SUB1: variants seen among roughly 807,000 people sequenced by gnomAD.
The protein encoded by SUB1 is activated RNA polymerase II transcriptional coactivator p15.
A neutral mutation model predicts 16.9 loss-of-function variants in SUB1; 1 was observed. That is an observed-to-expected ratio of 0.06 (90% CI 0.02 to 0.28). The LOEUF is 0.28. Ranked by LOEUF, SUB1 falls within the 10% of genes least tolerant of loss-of-function variation. SUB1 has a pLI of 1.00. For missense variants in SUB1, 84 were observed against 145.2 expected (o/e 0.58, Z 2.16); for synonymous variants, 51 against 46.9 (o/e 1.09, Z -0.36).
chr5:32,600,911 G>A lies in SUB1; in HGVS notation c.305-94G>A, dbSNP rs1739099709. On this transcript the variant is annotated intron_variant, in intron 4 of 4. Coordinates refer to ENST00000265073, the MANE Select transcript of SUB1 (RefSeq NM_006713.4). ...TGAGCCACCGCGCCCAGCCTAAAGT[G>A]GCAATTTTGATAAAACAGTATTCTA... 5 of 1,217,470 alleles carry A rather than the reference G, an allele frequency of 4.1e-6. 1 individual carries two copies. In the South Asian group the frequency reaches 6.2e-5, roughly 15 times the overall value. 75.4% of individuals were successfully genotyped at this position (1,217,470 alleles called of 1,614,324 possible).
intron 3 of SUB1, among the ~76,000 whole-genome samples, chr5:32,593,361 C>T (rs1048994573): frequency 2.0e-5 from 3 of 151,994 alleles, no homozygotes; most frequent in African/African-American, 4.8e-5. Context: ...ATATTTTGAC[C>T]TGTTGATAAC....
At chr5:32,587,405 A>AAAC in intron 1 of SUB1, among the ~76,000 whole-genome samples, 1 of 152,292 alleles carries the variant, frequency 6.6e-6, no homozygotes, top group Non-Finnish European at 1.5e-5. Context: ...GGCACTCAGT[A>AAAC]AACACCCACT....
intron 3 of SUB1, chr5:32,598,727 G>GT (rs1182680530): frequency 3.1e-5 from 11 of 360,420 alleles, no homozygotes; most frequent in Non-Finnish European, 4.5e-5. Context: ...CAGTTGTTCT[G>GT]TGAGTTTTTT....
chr5:32,598,022 A>G (rs527877779), intron 3 of SUB1: 3 of 152,130 alleles, frequency 2.0e-5, no homozygotes, highest in Non-Finnish European at 4.4e-5. Flanking sequence ...ACAGCTGCAG[A>G]TTTCAGTCCG....
At chr5:32,598,924 A>G in intron 3 of SUB1, 37 bp from the exon 4 acceptor site, 1 of 1,511,816 alleles carries the variant, frequency 6.6e-7, no homozygotes, top group Non-Finnish European at 9.2e-7. Flanking sequence ...ACCACTCTTG[A>G]AAGGAGCACC....
intron 4 of SUB1, among the ~76,000 whole-genome samples, chr5:32,600,599 A>G (rs2111688265): frequency 6.7e-6 from 1 of 148,260 alleles, no homozygotes; most frequent in South Asian, 2.1e-4. Context: ...ATTGTGTCCA[A>G]GTGGCAATTT....
chr5:32,603,284 A>T lies in SUB1; in HGVS notation c.*2200A>T, dbSNP rs533519205. On this transcript the variant is annotated 3_prime_UTR_variant, in exon 5 of 5. Coordinates refer to ENST00000265073, the MANE Select transcript of SUB1 (RefSeq NM_006713.4). ...AACTTGTTCTGAAAAGAAAGTATAG[A>T]TTAATTTTGTTTTCTGTTTAAATTT... 96 of 152,286 alleles carry T rather than the reference A, an allele frequency of 6.3e-4. No individual in the cohort carries two copies. The highest frequency in any genetic ancestry group is 2.2e-3 in the African/African-American group (92 of 41,578). The allele number at this position is 152,286 out of a possible 1,614,324, so 9.4% of individuals were successfully genotyped here.
At chr5:32,593,896 G>T (rs982872630) in intron 3 of SUB1, among the ~76,000 whole-genome samples, 1 of 152,142 alleles carries the variant, frequency 6.6e-6, no homozygotes, top group Non-Finnish European at 1.5e-5. Flanking sequence ...ATTTCACCTG[G>T]TTGGCCAGGA....
chr5:32,591,638 T>C lies in SUB1; in HGVS notation c.148T>C (p.Ser50Pro). 6.2e-7 allele frequency: 1 copy of C among 1,609,532 alleles called. No individual in the cohort carries two copies. Among genetic ancestry groups the C allele is most frequent in the Non-Finnish European group, 8.5e-7 (1 of 1,178,454 alleles). ...GACAGGTGAGACTTCGAGAGCCCTG[T>C]CATCTTCTAAACAGAGCAGCAGCAG... ...QKTGETSRAL[S>P]SSKQSSSSRD... Residue 50 changes from serine (S) to proline (P), a missense_variant, in exon 3 of 5, where the codon TCA becomes CCA. Physicochemically the swap from Ser to Pro is moderately conservative, Grantham distance 74 (BLOSUM62 -1). Transcript: ENST00000265073.
Position 32,600,220 on chromosome 5 carries a change from G to C in SUB1, c.305-785G>C, listed in dbSNP as rs147096131. On this transcript the variant is annotated intron_variant, in intron 4 of 4. Coordinates refer to ENST00000265073, the MANE Select transcript of SUB1 (RefSeq NM_006713.4). ...GTGACCCTAGAGTGCAGTTACCCGGGTATACTCTCTGAGGAGTCCTGTATG... is the reference window on the plus strand; with the variant it reads ...GTGACCCTAGAGTGCAGTTACCCGGCTATACTCTCTGAGGAGTCCTGTATG... 7.9e-5 allele frequency among the ~76,000 whole-genome samples: 12 copies of C among 152,316 alleles called. No homozygotes were observed. The East Asian group carries it at 2.3e-3, about 29-fold the overall frequency.
intron 4 of SUB1, among the ~76,000 whole-genome samples, chr5:32,599,890 TTC>T (rs1186734954): frequency 1.3e-5 from 2 of 152,254 alleles, no homozygotes; most frequent in Admixed American, 1.3e-4. Context: ...TCTTGTTTAC[TTC>T]TCTGTTTATA....
At position 32,591,464 on chromosome 5, in the gene SUB1, G is replaced by A. The variant is rs1738823241; in HGVS notation, c.73-99G>A. 2.8e-6 allele frequency: 4 copies of A among 1,417,102 alleles called. No homozygotes were observed. The South Asian group carries it at 4.7e-5, about 17-fold the overall frequency. 87.8% of individuals were successfully genotyped at this position (1,417,102 alleles called of 1,614,324 possible). On this transcript the variant is annotated intron_variant, in intron 2 of 4. Transcript: ENST00000265073. ...ATATATTTATGATATTTTGGATGTAGTCTTTTGATTGTTTAAATCTTAAAA... is the reference window on the plus strand; with the variant it reads ...ATATATTTATGATATTTTGGATGTAATCTTTTGATTGTTTAAATCTTAAAA...
intron 1 of SUB1, among the ~76,000 whole-genome samples, chr5:32,587,139 GTTAT>G (rs995238529): frequency 2.0e-5 from 3 of 152,126 alleles, no homozygotes; most frequent in Non-Finnish European, 2.9e-5. Context: ...GCATGTGGGA[GTTAT>G]TTATGTGCTA....
At chr5:32,590,232 A>G (rs1738783729) in intron 2 of SUB1, among the ~76,000 whole-genome samples, 1 of 152,094 alleles carries the variant, frequency 6.6e-6, no homozygotes, top group Admixed American at 6.5e-5. Context: ...TTTTCATTTC[A>G]TGTTTTACAT....
chr5:32,587,023 T>G (rs1413277491), intron 1 of SUB1, among the ~76,000 whole-genome samples: 1 of 152,194 alleles, frequency 6.6e-6, no homozygotes, highest in Non-Finnish European at 1.5e-5. Context: ...TTTAAGTCTT[T>G]TTTTCTTGTA....
chr5:32,588,685 G>T (rs1365788706), intron 2 of SUB1, 101 bp downstream of exon 2: 1 of 1,234,046 alleles, frequency 8.1e-7, no homozygotes, highest in Non-Finnish European at 1.1e-6. Context: ...TTAAAATGAG[G>T]ATCTAGCTGG....
At chr5:32,596,910 A>G (rs1038272530) in intron 3 of SUB1, 1 of 152,180 alleles carries the variant, frequency 6.6e-6, no homozygotes, top group African/African-American at 2.4e-5. Context: ...GATTTTTGAA[A>G]AATAATTTTC....
intron 3 of SUB1, chr5:32,597,220 CTG>C (rs952259226): frequency 6.6e-6 from 1 of 152,266 alleles, no homozygotes; most frequent in African/African-American, 2.4e-5. Flanking sequence ...AACTGAACCT[CTG>C]TGGCCATTAA....
At position 32,598,753 on chromosome 5, in the gene SUB1, G is replaced by A. The variant is rs1213211141; in HGVS notation, c.196-208G>A. 8 of 383,366 alleles carry A rather than the reference G, an allele frequency of 2.1e-5. No homozygotes were observed. The Admixed American group carries it at 2.3e-4, about 11-fold the overall frequency. 23.7% of individuals were successfully genotyped at this position (383,366 alleles called of 1,614,324 possible). On this transcript the variant is annotated intron_variant, in intron 3 of 4. Coordinates refer to ENST00000265073, the MANE Select transcript of SUB1 (RefSeq NM_006713.4). Reference sequence around the variant, plus strand: ...TGAGTTTTTTCAAATTGTCAAGTCTGCAAAAATTTTTCCAGTATATTTATT... The same window carrying A: ...TGAGTTTTTTCAAATTGTCAAGTCTACAAAAATTTTTCCAGTATATTTATT...
Sources: allele counts gnomAD v4.1 joint callset (sites outside exome capture counted in the v4.1 genomes callset), GRCh38; gene constraint gnomAD v4.1.1; transcripts MANE v1.5; gene names NCBI Gene and HGNC (gene_info 2026-07-23, HGNC 2026-07-21).